The following TMEM131 variants were observed in gnomAD, a reference collection of about 807,000 sequenced individuals.
The protein encoded by TMEM131 is transmembrane protein 131.
Under a neutral mutation model 211.6 loss-of-function variants are expected in TMEM131, and 66 were observed. The ratio of observed to expected loss-of-function variants is 0.31; its 90% confidence interval spans 0.26 to 0.38. The LOEUF is 0.38. TMEM131 is among the 10% of genes least tolerant of loss of function. The pLI is 1.00. For synonymous variants in TMEM131, 844 were observed against 841.3 expected (o/e 1.00, Z -0.06); for missense variants, 2,036 against 2,299.3 (o/e 0.89, Z 2.34).
intron 1 of TMEM131, among the ~76,000 whole-genome samples, chr2:97,935,936 C>A (rs1310945063): frequency 6.6e-6 from 1 of 152,170 alleles, no homozygotes; most frequent in East Asian, 1.9e-4. Flanking sequence ...AGCACTATAA[C>A]CAACAGCCCA....
intron 19 of TMEM131, among the ~76,000 whole-genome samples, chr2:97,808,032 T>C (rs988100260): frequency 6.6e-6 from 1 of 152,216 alleles, no homozygotes; most frequent in African/African-American, 2.4e-5. Flanking sequence ...GATTTTTTTT[T>C]TGGAATATTT....
intron 1 of TMEM131, among the ~76,000 whole-genome samples, chr2:97,964,462 A>T (rs1200661656): frequency 6.6e-6 from 1 of 152,240 alleles, no homozygotes; most frequent in Non-Finnish European, 1.5e-5. Context: ...TGTTTTCCAT[A>T]ATTTCTTTAA....
intron 12 of TMEM131, among the ~76,000 whole-genome samples, chr2:97,817,300 T>C (rs1011202053): frequency 5.9e-5 from 9 of 152,144 alleles, no homozygotes; most frequent in African/African-American, 2.2e-4. Context: ...TAAATGCTCT[T>C]ATCCTGGCTG....
At chr2:97,993,897 CAGT>C (rs1466752721) in intron 1 of TMEM131, among the ~76,000 whole-genome samples, 3 of 152,146 alleles carry the variant, frequency 2.0e-5, no homozygotes, top group African/African-American at 7.2e-5. Context: ...AAATCAGCAG[CAGT>C]AGAAGGAAAA....
Position 97,805,402 on chromosome 2 carries a change from T to G in TMEM131, c.2258A>C (p.Tyr753Ser). Residue 753 changes from tyrosine to serine, a missense_variant, in exon 21 of 41, where the codon TAT becomes TCT. Around this residue, in one of 3 missense-constraint regions of TMEM131, gnomAD observed 1,623 missense variants for 1,805.9 expected, o/e 0.90. Transcript: ENST00000186436. ...TTTGGATAGAAAAGGCAAGCCAACA[T>G]AGCAATGATCCCCACACTGTAGTCC... Reference protein sequence around the residue: ...DPGLQCGDHCYVGLPFLSKSE... With the variant: ...DPGLQCGDHCSVGLPFLSKSE... 6.2e-7 allele frequency: 1 copy of G among 1,613,766 alleles called. No homozygotes were observed. The highest frequency in any genetic ancestry group is 8.5e-7 in the Non-Finnish European group (1 of 1,179,776).
At chr2:97,940,178 CA>C (rs1297626906) in intron 1 of TMEM131, among the ~76,000 whole-genome samples, 21 of 152,100 alleles carry the variant, frequency 1.4e-4, no homozygotes, top group Admixed American at 1.2e-3. Flanking sequence ...GCCAAGCAAT[CA>C]GGCAGGAGAA....
chr2:97,883,473 AAC>A (rs759951594), intron 4 of TMEM131, among the ~76,000 whole-genome samples: 10 of 152,196 alleles, frequency 6.6e-5, no homozygotes, highest in Non-Finnish European at 1.2e-4. Context: ...TATGACTAGT[AAC>A]AGTCTCTATG....
chr2:97,884,155 T>C (rs919063174), intron 4 of TMEM131, among the ~76,000 whole-genome samples: 1 of 152,214 alleles, frequency 6.6e-6, no homozygotes, highest in Admixed American at 6.5e-5. Context: ...ATATTTTAGT[T>C]TACCATTTAA....
At chr2:97,820,843 G>T (rs1431899095) in intron 11 of TMEM131, among the ~76,000 whole-genome samples, 2 of 151,020 alleles carry the variant, frequency 1.3e-5, no homozygotes, top group African/African-American at 2.4e-5. Flanking sequence ...GCAACAGAGT[G>T]AGACTCCTTC....
intron 1 of TMEM131, among the ~76,000 whole-genome samples, chr2:97,953,430 T>C (rs1308721448): frequency 1.3e-5 from 2 of 152,164 alleles, no homozygotes; most frequent in African/African-American, 4.8e-5. Context: ...GAAAGAAAAT[T>C]ACTAGAGACA....
At chr2:97,940,026 A>T (rs1677643766) in intron 1 of TMEM131, among the ~76,000 whole-genome samples, 1 of 152,180 alleles carries the variant, frequency 6.6e-6, no homozygotes, top group African/African-American at 2.4e-5. Context: ...CATATCTCAA[A>T]ATAATAAGAG....
intron 1 of TMEM131, among the ~76,000 whole-genome samples, chr2:97,954,097 C>T (rs1159210809): frequency 1.3e-5 from 2 of 152,152 alleles, no homozygotes; most frequent in African/African-American, 4.8e-5. Context: ...CTGTCCCCTA[C>T]TTTAAGAAAC....
Position 97,759,689 on chromosome 2 carries a change from C to A in TMEM131, c.5169G>T (p.Ser1723=). 6.2e-7 allele frequency: 1 copy of A among 1,613,630 alleles called. No homozygotes were observed. The highest frequency in any genetic ancestry group is 8.5e-7 in the Non-Finnish European group (1 of 1,179,772). The stretch of plus-strand genomic sequence containing the variant: ...TAAAAGAGTTTCCAAAGGCGGAGAA[C>A]GAATTGAGGGGAGTGAAGTCAGGGC... ...PSSPDFTPLN[S]FSAFGNSFNL... Residue 1723 remains serine, a synonymous_variant, in exon 39 of 41, where the codon TCG becomes TCT. Transcript: ENST00000186436.
Position 97,793,735 on chromosome 2 carries a change from C to T in TMEM131, c.3387-182G>A, listed in dbSNP as rs368276074. ...TTTGGCTGGGCACGGTAGCTCATGCCTATAATCCCAGCACTTTGGGAGGCC... is the reference window on the plus strand; with the variant it reads ...TTTGGCTGGGCACGGTAGCTCATGCTTATAATCCCAGCACTTTGGGAGGCC... On this transcript the variant is annotated intron_variant, in intron 29 of 40. Coordinates refer to ENST00000186436, the MANE Select transcript of TMEM131 (RefSeq NM_015348.2). 2.2e-4 allele frequency among the ~76,000 whole-genome samples: 33 copies of T among 152,054 alleles called. No individual in the cohort carries two copies. In the East Asian group the frequency reaches 6.0e-3, roughly 28 times the overall value.
chr2:97,760,182 C>T, intron 38 of TMEM131: 2 of 267,160 alleles, frequency 7.5e-6, no homozygotes, highest in South Asian at 5.2e-5. Context: ...GATAAACAAG[C>T]CTGCTCAAGA....
At chr2:97,995,037 G>T (rs1247107098) in intron 1 of TMEM131, among the ~76,000 whole-genome samples, 1 of 152,206 alleles carries the variant, frequency 6.6e-6, no homozygotes, top group Non-Finnish European at 1.5e-5. Context: ...TCCCCTCGAA[G>T]AAATGTCTGA....
At chr2:97,914,233 CT>C (rs1196238976) in intron 2 of TMEM131, among the ~76,000 whole-genome samples, 1 of 152,150 alleles carries the variant, frequency 6.6e-6, no homozygotes, top group Non-Finnish European at 1.5e-5. Flanking sequence ...ACTGAGATAA[CT>C]GTAGATTCAC....
At chr2:97,804,410 ATC>A (rs1681190743) in intron 22 of TMEM131, among the ~76,000 whole-genome samples, 1 of 152,042 alleles carries the variant, frequency 6.6e-6, no homozygotes, top group Non-Finnish European at 1.5e-5. Context: ...CACGCCTGTA[ATC>A]TCAGCACTTT....
chr2:97,943,313 T>A lies in TMEM131; in HGVS notation c.188-15826A>T, dbSNP rs118090670. Among the ~76,000 whole-genome samples the A allele has an allele frequency of 3.2e-3, 491 of 152,262 alleles. 7 individuals are homozygous for A. The East Asian group carries it at 0.041, about 13-fold the overall frequency. ...AAACATCACGTTCCAAATTATTATATGAAGCAATTCATACCCTGATACATA... is the reference window on the plus strand; with the variant it reads ...AAACATCACGTTCCAAATTATTATAAGAAGCAATTCATACCCTGATACATA... On this transcript the variant is annotated intron_variant, in intron 1 of 40. Transcript: ENST00000186436.
Sources: gnomAD v4.1 joint callset for allele counts (sites outside exome capture counted in the v4.1 genomes callset) on GRCh38, gnomAD v4.1.1 for gene constraint, gnomAD v4.1.1 regional missense constraint, MANE v1.5 for transcripts, NCBI Gene and HGNC (gene_info 2026-07-23, HGNC 2026-07-21) for gene names.